FRS3: variants seen among roughly 807,000 people sequenced by gnomAD.
FRS3 encodes FGFR substrate 3.
A neutral mutation model predicts 41.9 loss-of-function variants in FRS3; 17 were observed. The observed-to-expected ratio is 0.41, with a 90% CI of 0.28 to 0.61. FRS3 has a LOEUF of 0.61. Among genes scored for constraint, FRS3 ranks in the 20% least tolerant of loss-of-function variants. The probability of loss-of-function intolerance (pLI) is 0.36; values close to 1 mark genes in which losing one functional copy is unlikely to be tolerated. For synonymous variants in FRS3, 287 were observed against 274.5 expected (o/e 1.05, Z -0.45); for missense variants, 619 against 672.1 (o/e 0.92, Z 0.87).
At position 41,770,737 on chromosome 6, in the gene FRS3, G is replaced by T; in HGVS notation, c.1361C>A (p.Ser454Tyr). 6.2e-7 allele frequency: 1 copy of T among 1,613,876 alleles called. No individual in the cohort carries two copies. Among genetic ancestry groups the T allele is most frequent in the Non-Finnish European group, 8.5e-7 (1 of 1,179,986 alleles). Reference sequence around the variant, plus strand: ...CTTTTTGAGGTCAATCACGGCGTAGGAGTCTGAGCTTCGGGCAGGGTGGGT... The same window carrying T: ...CTTTTTGAGGTCAATCACGGCGTAGTAGTCTGAGCTTCGGGCAGGGTGGGT... ...PTTHPARSSD[S>Y]YAVIDLKKTV... The change falls in exon 7 of 7, where the codon TCC (serine) becomes TAC (tyrosine). Residue 454 changes from serine (S) to tyrosine (Y), a missense_variant. Physicochemically the swap from Ser to Tyr is moderately radical, Grantham distance 144. Around this residue, in one of 3 missense-constraint regions of FRS3, gnomAD observed 32 missense variants for 55.6 expected, o/e 0.58. Coordinates refer to ENST00000373018, the MANE Select transcript of FRS3 (RefSeq NM_006653.5).
intron 2 of FRS3, chr6:41,777,716 A>G (rs1268436959): frequency 6.6e-6 from 1 of 152,212 alleles, no homozygotes; most frequent in Non-Finnish European, 1.5e-5. Flanking sequence ...AGGGGAGACC[A>G]GAGGCCTTAC....
rs376353358 is a variant in FRS3, at chr6:41,771,052, G to A, written c.1046C>T (p.Ser349Leu). 49 of 1,608,474 alleles carry A rather than the reference G, an allele frequency of 3.0e-5. No homozygotes were observed. The highest frequency in any genetic ancestry group is 2.2e-5 in the East Asian group (1 of 44,726). ...LGGEAGDDGD[S>L]RDGLTPSSNG... ...GGAAGAGGGTGTGAGCCCATCCCTC[G>A]AGTCCCCATCATCCCCAGCCTCCCC... Residue 349 changes from serine (S) to leucine (L), a missense_variant, in exon 7 of 7, where the codon TCG becomes TTG. Physicochemically the swap from Ser to Leu is moderately radical, Grantham distance 145. This residue lies in a region of FRS3 where 487 missense variants were observed against 478.3 expected (regional missense o/e 1.02). Transcript: ENST00000373018.
intron 1 of FRS3, among the ~76,000 whole-genome samples, chr6:41,779,403 G>C (rs532983166): frequency 6.6e-6 from 1 of 152,096 alleles, no homozygotes; most frequent in South Asian, 2.1e-4. Context: ...GGAGAATGGG[G>C]ATATGAGGGA....
rs201303851 is a variant in FRS3, at chr6:41,771,775, C to T, written c.564+41G>A. ...CCTTATTTCCTATCCCTCGTCCCCACCCAGACCAACAGGGCAGGGGCTGGC... is the reference window on the plus strand; with the variant it reads ...CCTTATTTCCTATCCCTCGTCCCCATCCAGACCAACAGGGCAGGGGCTGGC... On this transcript the variant is annotated intron_variant, in intron 6 of 6. Coordinates refer to ENST00000373018, the MANE Select transcript of FRS3 (RefSeq NM_006653.5). 465 of 1,543,260 alleles carry T rather than the reference C, an allele frequency of 3.0e-4. 1 individual carries two copies. In the East Asian group the frequency reaches 7.3e-3, roughly 24 times the overall value.
At position 41,770,574 on chromosome 6, in the gene FRS3, G is replaced by A. The variant is rs776302253; in HGVS notation, c.*45C>T. 5.0e-6 allele frequency: 8 copies of A among 1,592,618 alleles called. No individual in the cohort carries two copies. Among genetic ancestry groups the A allele is most frequent in the Non-Finnish European group, 8.6e-7 (1 of 1,160,638 alleles). On this transcript the variant is annotated 3_prime_UTR_variant, in exon 7 of 7. Transcript: ENST00000373018. Reference sequence around the variant, plus strand: ...TCAGAGGACAGGAGTGTGAGGCAGAGGCTGGATCATGGTGGGGCAGAGGGT... The same window carrying A: ...TCAGAGGACAGGAGTGTGAGGCAGAAGCTGGATCATGGTGGGGCAGAGGGT...
At position 41,770,612 on chromosome 6, in the gene FRS3, G is replaced by T. The variant is rs778920144; in HGVS notation, c.*7C>A. The T allele has an allele frequency of 1.9e-6, 3 of 1,614,032 alleles. No individual in the cohort carries two copies. Among genetic ancestry groups the T allele is most frequent in the Non-Finnish European group, 2.5e-6 (3 of 1,179,848 alleles). ...TGGGGCAGAGGGTGGTGAGGACCGG[G>T]AAGTCCCTACAGAGGCAGGTCGGTG... On this transcript the variant is annotated 3_prime_UTR_variant, in exon 7 of 7. Coordinates refer to ENST00000373018, the MANE Select transcript of FRS3 (RefSeq NM_006653.5).
chr6:41,772,986 C>G (rs1772336046), intron 4 of FRS3, 27 bp from the exon 5 acceptor site: 1 of 1,609,044 alleles, frequency 6.2e-7, no homozygotes, highest in African/African-American at 1.3e-5. Flanking sequence ...AGAAATGACC[C>G]TAGGCAATAG....
In FRS3 at chr6:41,771,493, T is replaced by G; in HGVS notation, c.605A>C (p.His202Pro). 6.4e-7 allele frequency: 1 copy of G among 1,569,382 alleles called. No homozygotes were observed. Among genetic ancestry groups the G allele is most frequent in the Non-Finnish European group, 8.6e-7 (1 of 1,158,726 alleles). The change falls in exon 7 of 7, where the codon CAC (histidine) becomes CCC (proline). Residue 202 changes from histidine to proline, a missense_variant. His to Pro is a moderately conservative substitution (Grantham distance 77, BLOSUM62 -2). Around this residue, in one of 3 missense-constraint regions of FRS3, gnomAD observed 487 missense variants for 478.3 expected, o/e 1.02. Coordinates refer to ENST00000373018, the MANE Select transcript of FRS3 (RefSeq NM_006653.5). ...YVNTPASEDD[H>P]RRGRHCLQPL... ...CTGCAGGCAGTGGCGGCCCCTGCGG[T>G]GGTCATCTTCACTGGCCGGTGTGTT...
chr6:41,772,073 C>T (rs959297175), intron 5 of FRS3, 109 bp from the exon 6 acceptor site: 5 of 888,072 alleles, frequency 5.6e-6, no homozygotes, highest in Admixed American at 5.8e-5. Context: ...GACAGATGTT[C>T]TCAGGGCGTC....
chr6:41,779,510 G>A (rs1772483872), intron 1 of FRS3, among the ~76,000 whole-genome samples: 2 of 151,972 alleles, frequency 1.3e-5, no homozygotes, highest in Admixed American at 6.6e-5. Context: ...GAATGAGGGG[G>A]TTCTGAGGGC....
rs751587190 is a variant in FRS3 at position 41,771,299 on chromosome 6, G to A, written c.799C>T (p.Pro267Ser). The change falls in exon 7 of 7, where the codon CCA becomes TCA. Residue 267 changes from proline to serine, a missense_variant. This residue lies in a region of FRS3 where 487 missense variants were observed against 478.3 expected (regional missense o/e 1.02). Coordinates refer to ENST00000373018, the MANE Select transcript of FRS3 (RefSeq NM_006653.5). ...GCCTCATTGTTATTATTGTGGTGTG[G>A]GGGGTCATGCAGGCTGGGACAGAGG... ...QGLCPSLHDP[P>S]HHNNNNEAPS... 2 of 1,613,482 alleles carry A rather than the reference G, an allele frequency of 1.2e-6. No individual in the cohort carries two copies. The highest frequency in any genetic ancestry group is 1.7e-6 in the Non-Finnish European group (2 of 1,179,650).
rs1389053686 is a variant in FRS3, at chr6:41,770,933, G to A, written c.1165C>T (p.Pro389Ser). Residue 389 changes from proline (P) to serine (S), a missense_variant, in exon 7 of 7, where the codon CCA becomes TCA. By Grantham distance (74) the Pro-to-Ser change is moderately conservative. Transcript: ENST00000373018. ...GGGGAGCCGCGGCGGCGGGTCAGTG[G>A]CACAGGAAAGCTGCCGTGGCTGCGG... ...AIRSHGSFPV[P>S]LTRRRGSPRV... 4 of 1,612,314 alleles carry A rather than the reference G, an allele frequency of 2.5e-6. No individual in the cohort carries two copies. The highest frequency in any genetic ancestry group is 2.7e-5 in the African/African-American group (2 of 74,940).
In FRS3 at chr6:41,771,109, G is replaced by A; in HGVS notation, c.989C>T (p.Pro330Leu). 1 of 1,580,984 alleles carries A rather than the reference G, an allele frequency of 6.3e-7. No individual in the cohort carries two copies. Among genetic ancestry groups the A allele is most frequent in the Non-Finnish European group, 8.6e-7 (1 of 1,161,714 alleles). ...CTGCTGGGCTTGGCTTTCCCACACA[G>A]GGGGCAGTGGGGGCAGGTTCTCATA... ...LHYENLPPLP[P>L]VWESQAQQLG... Residue 330 changes from proline to leucine, a missense_variant, in exon 7 of 7, where the codon CCT (proline) becomes CTT (leucine). This residue lies in a region of FRS3 where 487 missense variants were observed against 478.3 expected (regional missense o/e 1.02). Transcript: ENST00000373018.
At position 41,770,788 on chromosome 6, in the gene FRS3, G is replaced by A. The variant is rs57289703; in HGVS notation, c.1310C>T (p.Ser437Leu). Reference protein sequence around the residue: ...GDRPKGPQNPSSPQAPMPTTH... With the variant: ...GDRPKGPQNPLSPQAPMPTTH... ...GGTGGGCATGGGGGCTTGGGGGCTCGAGGGGTTCTGGGGCCCCTTAGGGCG... is the reference window on the plus strand; with the variant it reads ...GGTGGGCATGGGGGCTTGGGGGCTCAAGGGGTTCTGGGGCCCCTTAGGGCG... Residue 437 changes from serine (S) to leucine (L), a missense_variant, in exon 7 of 7, where the codon TCG becomes TTG. Ser to Leu is a moderately radical substitution (Grantham distance 145, BLOSUM62 -2). This residue lies in a region of FRS3 where 487 missense variants were observed against 478.3 expected (regional missense o/e 1.02). Transcript: ENST00000373018. The A allele has an allele frequency of 2.0e-4, 328 of 1,611,766 alleles. 1 individual carries two copies. In the African/African-American group the frequency reaches 2.3e-3, roughly 11 times the overall value.
At chr6:41,772,165 C>A (rs1388921460) in intron 5 of FRS3, among the ~76,000 whole-genome samples, 2 of 152,226 alleles carry the variant, frequency 1.3e-5, no homozygotes, top group African/African-American at 4.8e-5. Flanking sequence ...CCCTTTCCCT[C>A]AAGCTCAGCT....
chr6:41,778,577 T>C (rs1772457985), intron 1 of FRS3, among the ~76,000 whole-genome samples: 1 of 152,156 alleles, frequency 6.6e-6, no homozygotes, highest in Non-Finnish European at 1.5e-5. Context: ...GAAACCAATA[T>C]ATCGGTCAGT....
intron 4 of FRS3, among the ~76,000 whole-genome samples, chr6:41,773,400 G>A (rs774095225): frequency 6.6e-6 from 1 of 151,910 alleles, no homozygotes; most frequent in Non-Finnish European, 1.5e-5. Context: ...CACCACGCCT[G>A]GCCCTGAGCA....
Position 41,775,434 on chromosome 6 carries a change from A to G in FRS3, c.238T>C (p.Cys80Arg). 1.2e-6 allele frequency: 2 copies of G among 1,611,518 alleles called. No individual in the cohort carries two copies. The highest frequency in any genetic ancestry group is 1.7e-6 in the Non-Finnish European group (2 of 1,179,498). ...NLFSFESGRR[C>R]QTGQGIFAFK... ...TGGTACTCACCCTGGCCTGTCTGAC[A>G]TCGGCGGCCACTCTCAAAGGAGAAG... The change falls in exon 4 of 7, where the codon TGT becomes CGT. Residue 80 changes from cysteine to arginine, a missense_variant. This residue lies in a region of FRS3 where 100 missense variants were observed against 138.1 expected (regional missense o/e 0.72). Transcript: ENST00000373018.
chr6:41,779,663 C>T (rs115170319), intron 1 of FRS3, among the ~76,000 whole-genome samples, 153 bp downstream of exon 1: 3,120 of 151,852 alleles, frequency 0.021, 89 homozygotes, highest in African/African-American at 0.065. Context: ...GCGCGCTGTC[C>T]CCGGATCCCC....
Sources: allele counts gnomAD v4.1 joint callset (sites outside exome capture counted in the v4.1 genomes callset), GRCh38; gene constraint gnomAD v4.1.1; regional missense constraint gnomAD v4.1.1; transcripts MANE v1.5; gene names NCBI Gene and HGNC (gene_info 2026-07-23, HGNC 2026-07-21).